Variants in CA10 observed in about 807,000 individuals in gnomAD.
CA10 encodes the protein carbonic anhydrase-related protein 10.
Under a neutral mutation model 44.2 loss-of-function variants are expected in CA10, and 14 were observed. The ratio of observed to expected loss-of-function variants is 0.32; its 90% CI spans 0.21 to 0.50. CA10 has a LOEUF of 0.50. CA10 is among the 20% of genes least tolerant of loss of function. The pLI, the probability that CA10 is intolerant of heterozygous loss-of-function variation, is 0.99. For synonymous variants in CA10, 159 were observed against 141.6 expected, an observed-to-expected ratio of 1.12 and a Z score of -0.87; for missense variants, 350 against 409.7, an observed-to-expected ratio of 0.85 and a Z score of 1.26.
chr17:51,971,690 T>G (rs1253301798), intron 2 of CA10, among the ~76,000 whole-genome samples: 1 of 152,024 alleles, frequency 6.6e-6, no homozygotes, highest in Non-Finnish European at 1.5e-5. Flanking sequence ...TATTAATGCA[T>G]TTTTGAGCTT....
intron 6 of CA10, among the ~76,000 whole-genome samples, chr17:51,637,364 G>A (rs1226942189): frequency 6.6e-6 from 1 of 152,092 alleles, no homozygotes; most frequent in East Asian, 1.9e-4. Flanking sequence ...CTTGCCTTCT[G>A]CATCCCAGTG....
intron 1 of CA10, among the ~76,000 whole-genome samples, chr17:52,085,028 T>C (rs1169367594): frequency 1.3e-5 from 2 of 152,194 alleles, no homozygotes; most frequent in Admixed American, 6.5e-5. Context: ...AGCATCAAGA[T>C]AGAAAGAGCT....
At chr17:51,937,049 G>C (rs574027702) in intron 2 of CA10, among the ~76,000 whole-genome samples, 2 of 152,200 alleles carry the variant, frequency 1.3e-5, no homozygotes, top group African/African-American at 4.8e-5. Context: ...CTCAGCTAAA[G>C]CAATCTTTTC....
intron 3 of CA10, among the ~76,000 whole-genome samples, chr17:51,886,151 A>G (rs1407698561): frequency 6.6e-6 from 1 of 152,178 alleles, no homozygotes; most frequent in Non-Finnish European, 1.5e-5. Flanking sequence ...TCCCACAGCC[A>G]CCTGCATTAT....
At chr17:52,090,961 T>G (rs2143209865) in intron 1 of CA10, among the ~76,000 whole-genome samples, 1 of 152,294 alleles carries the variant, frequency 6.6e-6, no homozygotes, top group East Asian at 1.9e-4. Flanking sequence ...CACACTCTTT[T>G]TAGTAAACTT....
intron 1 of CA10, among the ~76,000 whole-genome samples, chr17:52,102,951 T>G (rs1224721654): frequency 6.6e-6 from 1 of 152,194 alleles, no homozygotes; most frequent in African/African-American, 2.4e-5. Flanking sequence ...GACATGCATA[T>G]ACATCCTCAA....
At chr17:51,754,272 A>G (rs1221863527) in intron 3 of CA10, among the ~76,000 whole-genome samples, 1 of 147,006 alleles carries the variant, frequency 6.8e-6, no homozygotes, top group Non-Finnish European at 1.5e-5. Context: ...AGGGTTCTCT[A>G]GAGAAACAGA....
chr17:51,858,575 G>A (rs1387492738), intron 3 of CA10, among the ~76,000 whole-genome samples: 1 of 152,176 alleles, frequency 6.6e-6, no homozygotes, highest in Admixed American at 6.5e-5. Flanking sequence ...TCTGAAAGCT[G>A]GCTTTAAGAG....
At chr17:51,691,221 T>C (rs1915181830) in intron 4 of CA10, among the ~76,000 whole-genome samples, 1 of 152,224 alleles carries the variant, frequency 6.6e-6, no homozygotes, top group Admixed American at 6.5e-5. Flanking sequence ...TTCACATCCT[T>C]TGCACATATT....
rs544810536 is a variant in CA10, at chr17:51,995,458, A to G, written c.137-64326T>C. On this transcript the variant is annotated intron_variant, in intron 2 of 8. Transcript: ENST00000451037. ...ATGCAAACAATGATTTAACTAAATA[A>G]TTGAAATTTGGTCATTAGGAGAAGA... Among the ~76,000 whole-genome samples, 326 of 152,236 alleles carry G rather than the reference A, an allele frequency of 2.1e-3. 2 individuals are homozygous for G. The highest frequency in any genetic ancestry group is 6.2e-3 in the Admixed American group (95 of 15,272).
chr17:51,904,354 C>G (rs1981450423), intron 3 of CA10, among the ~76,000 whole-genome samples: 1 of 152,002 alleles, frequency 6.6e-6, no homozygotes, highest in Non-Finnish European at 1.5e-5. Flanking sequence ...GCTCATCTAT[C>G]CAAACCCCTC....
intron 3 of CA10, among the ~76,000 whole-genome samples, chr17:51,756,344 C>T (rs948355368): frequency 6.6e-5 from 10 of 152,252 alleles, no homozygotes; most frequent in African/African-American, 2.4e-4. Context: ...TAAAGCACCA[C>T]AGTTAGAAAT....
intron 4 of CA10, among the ~76,000 whole-genome samples, chr17:51,666,056 G>A (rs1450505372): frequency 6.6e-6 from 1 of 152,184 alleles, no homozygotes; most frequent in African/African-American, 2.4e-5. Flanking sequence ...ATTTGATCGT[G>A]CTTAGGTCAA....
intron 3 of CA10, among the ~76,000 whole-genome samples, chr17:51,775,792 G>C (rs1905795919): frequency 6.6e-6 from 1 of 152,140 alleles, no homozygotes; most frequent in Admixed American, 6.6e-5. Flanking sequence ...CAGGACTCAG[G>C]GATTAGCAGG....
chr17:52,055,139 A>C (rs1471128471), intron 2 of CA10, among the ~76,000 whole-genome samples: 4 of 152,102 alleles, frequency 2.6e-5, no homozygotes, highest in Non-Finnish European at 5.9e-5. Flanking sequence ...GGTAGGGAAC[A>C]TTTATCTACA....
chr17:51,909,987 G>T (rs1981722581), intron 3 of CA10, among the ~76,000 whole-genome samples: 1 of 152,044 alleles, frequency 6.6e-6, no homozygotes, highest in Non-Finnish European at 1.5e-5. Context: ...ATAAAATGTT[G>T]CCCTGCACTG....
chr17:51,846,723 A>G (rs1978510102), intron 3 of CA10, among the ~76,000 whole-genome samples: 1 of 152,234 alleles, frequency 6.6e-6, no homozygotes, highest in African/African-American at 2.4e-5. Flanking sequence ...CAGAATTTCA[A>G]GCCTTTTAAG....
At chr17:51,919,795 G>T (rs1294520468) in intron 3 of CA10, among the ~76,000 whole-genome samples, 1 of 152,110 alleles carries the variant, frequency 6.6e-6, no homozygotes, top group Non-Finnish European at 1.5e-5. Flanking sequence ...GGGACTACAG[G>T]TGCGCACCAC....
intron 3 of CA10, among the ~76,000 whole-genome samples, chr17:51,875,760 G>T (rs1980043299): frequency 6.6e-6 from 1 of 152,090 alleles, no homozygotes; most frequent in Non-Finnish European, 1.5e-5. Flanking sequence ...TCAGGATACA[G>T]AACAATTCCA....
Sources: gnomAD v4.1 joint callset for allele counts (sites outside exome capture counted in the v4.1 genomes callset) on GRCh38, gnomAD v4.1.1 for gene constraint, MANE v1.5 for transcripts, NCBI Gene and HGNC (gene_info 2026-07-23, HGNC 2026-07-21) for gene names.